EHBP1: variants seen among roughly 807,000 people sequenced by gnomAD.
EHBP1 encodes EH domain binding protein 1.
In EHBP1, 55 loss-of-function variants were observed where a neutral mutation model predicts 144.0. That is an observed-to-expected ratio of 0.38 (90% CI 0.31 to 0.48). EHBP1 has a LOEUF of 0.48. Among genes scored for constraint, EHBP1 ranks in the 20% least tolerant of loss-of-function variants. EHBP1 has a pLI of 0.98. For missense variants in EHBP1, 1,200 were observed against 1,364.2 expected, an observed-to-expected ratio of 0.88 and a Z score of 1.90; for synonymous variants, 469 against 472.7, an observed-to-expected ratio of 0.99 and a Z score of 0.10.
intron 1 of EHBP1, among the ~76,000 whole-genome samples, chr2:62,681,340 G>GTATGTATATATATATATA (rs2033511254): frequency 1.7e-5 from 1 of 58,554 alleles, no homozygotes; most frequent in Non-Finnish European, 3.0e-5. Flanking sequence ...ATGTGTGTGT[G>GTATGTATATATATATATA]TATATATATA....
rs368948717 is a variant in EHBP1 at position 62,830,153 on chromosome 2, GACACACACACAC to G, written c.495-834_495-823del. On this transcript the variant is annotated intron_variant, in intron 6 of 22. Transcript: ENST00000431489. ...TGGTGCATATATATATATATATATA[GACACACACACAC>G]ACACACACACACACACACACACACA... Among the ~76,000 whole-genome samples, 1,116 of 132,138 alleles carry G rather than the reference GACACACACACAC, an allele frequency of 8.4e-3. 7 individuals carry two copies. Among genetic ancestry groups the G allele is most frequent in the Middle Eastern group, 0.024 (6 of 246 alleles). The allele number at this position is 132,138 out of a possible 152,430, so 86.7% of individuals were successfully genotyped here.
chr2:62,674,353 A>G (rs1349384717), intron 1 of EHBP1, among the ~76,000 whole-genome samples: 1 of 152,220 alleles, frequency 6.6e-6, no homozygotes, highest in Non-Finnish European at 1.5e-5. Flanking sequence ...GCAATATTTG[A>G]AGAGCTCCCA....
intron 2 of EHBP1, among the ~76,000 whole-genome samples, chr2:62,725,180 C>G (rs79200027): frequency 1.3e-5 from 2 of 152,116 alleles, no homozygotes; most frequent in African/African-American, 4.8e-5. Flanking sequence ...TGGGGGCGCT[C>G]CAAGGTGCTG....
At chr2:63,012,593 T>C (rs1156635952) in intron 19 of EHBP1, among the ~76,000 whole-genome samples, 2 of 152,130 alleles carry the variant, frequency 1.3e-5, no homozygotes, top group Non-Finnish European at 2.9e-5. Context: ...AATCTCAAAA[T>C]GTGTGTGCCA....
At chr2:62,955,153 A>G (rs1269735760) in intron 13 of EHBP1, among the ~76,000 whole-genome samples, 3 of 152,122 alleles carry the variant, frequency 2.0e-5, no homozygotes, top group Non-Finnish European at 4.4e-5. Flanking sequence ...ATTCTATAAG[A>G]CTAAAAATAA....
intron 2 of EHBP1, among the ~76,000 whole-genome samples, chr2:62,736,618 A>G (rs551609222): frequency 1.3e-5 from 2 of 152,298 alleles, no homozygotes; most frequent in South Asian, 2.1e-4. Flanking sequence ...CAATAAACCT[A>G]TCAAGATCAT....
At chr2:62,820,297 A>G (rs1573522862) in intron 5 of EHBP1, among the ~76,000 whole-genome samples, 1 of 152,014 alleles carries the variant, frequency 6.6e-6, no homozygotes, top group African/African-American at 2.4e-5. Context: ...ATTTCCTTAT[A>G]TAAAAGTAAA....
chr2:63,045,293 C>G lies in EHBP1; in HGVS notation c.3392+113C>G, dbSNP rs969756639. ...AGGGCCGGGGCAGCCTCCCACTGGC[C>G]TGGTGCTCCCCATTCCCGCTGGGGA... On this transcript the variant is annotated intron_variant, in intron 22 of 22. Coordinates refer to ENST00000431489, the MANE Select transcript of EHBP1 (RefSeq NM_001142616.3). The surrounding 1 kb of genome is among the most constrained non-coding windows in gnomAD (Gnocchi z 5.7). 7 of 1,358,340 alleles carry G rather than the reference C, an allele frequency of 5.2e-6. No individual in the cohort carries two copies. Among genetic ancestry groups the G allele is most frequent in the Non-Finnish European group, 6.2e-6 (6 of 970,348 alleles). 84.1% of individuals were successfully genotyped at this position (1,358,340 alleles called of 1,614,324 possible). A position where few individuals can be genotyped will look rare whatever the true frequency, so the allele number is the denominator to read the frequency against.
intron 1 of EHBP1, among the ~76,000 whole-genome samples, chr2:62,700,245 A>T (rs1219778005): frequency 6.6e-6 from 1 of 152,246 alleles, no homozygotes; most frequent in Non-Finnish European, 1.5e-5. Context: ...ATTTAAGGTT[A>T]TATAACAGGC....
At chr2:62,741,885 A>T (rs972685704) in intron 2 of EHBP1, among the ~76,000 whole-genome samples, 1 of 152,186 alleles carries the variant, frequency 6.6e-6, no homozygotes, top group African/African-American at 2.4e-5. Flanking sequence ...AGTAATCTAG[A>T]GATGATTTAA....
Position 62,735,524 on chromosome 2 carries a change from G to T in EHBP1, c.105-11871G>T, listed in dbSNP as rs139578047. Among the ~76,000 whole-genome samples the T allele has an allele frequency of 4.3e-4, 66 of 151,972 alleles. 1 individual carries two copies. The highest frequency in any genetic ancestry group is 1.4e-3 in the African/African-American group (58 of 41,452). On this transcript the variant is annotated intron_variant, in intron 2 of 22. Coordinates refer to ENST00000431489, the MANE Select transcript of EHBP1 (RefSeq NM_001142616.3). ...AGGATATATAATCAAATACATTGTT[G>T]CTATTTATTATTTTAAATAAACTGT...
At position 62,942,808 on chromosome 2, in the gene EHBP1, C is replaced by G. The variant is rs1429568889; in HGVS notation, c.1276C>G (p.Arg426Gly). Residue 426 changes from arginine (R) to glycine (G), a missense_variant, in exon 11 of 23, where the codon CGA becomes GGA. This residue lies in a region of EHBP1 where 94 missense variants were observed against 143.0 expected (regional missense o/e 0.66). Transcript: ENST00000431489. ...GTGTAAAGAAGTTACAAAGAACTAC[C>G]GAGGAGTAAAAATCACCAATTTTAC... ...VWCKEVTKNY[R>G]GVKITNFTTS... 13 of 1,613,354 alleles carry G rather than the reference C, an allele frequency of 8.1e-6. No homozygotes were observed. The highest frequency in any genetic ancestry group is 1.1e-5 in the Non-Finnish European group (13 of 1,179,624).
chr2:62,679,108 T>A (rs2033417069), intron 1 of EHBP1, among the ~76,000 whole-genome samples: 1 of 152,188 alleles, frequency 6.6e-6, no homozygotes, highest in Non-Finnish European at 1.5e-5. Flanking sequence ...AGCCTATGCT[T>A]TGTATTTTAT....
intron 2 of EHBP1, among the ~76,000 whole-genome samples, chr2:62,709,915 A>G (rs2034979195): frequency 6.6e-6 from 1 of 152,130 alleles, no homozygotes; most frequent in Admixed American, 6.6e-5. Context: ...ACAGTATACC[A>G]GGGAGGGCCT....
intron 10 of EHBP1, among the ~76,000 whole-genome samples, chr2:62,942,104 A>G (rs1370668265): frequency 6.6e-6 from 1 of 152,172 alleles, no homozygotes; most frequent in East Asian, 1.9e-4. Context: ...AGCATATCCA[A>G]AATACATACT....
chr2:62,890,462 G>C (rs2052366004), intron 10 of EHBP1, among the ~76,000 whole-genome samples: 1 of 152,020 alleles, frequency 6.6e-6, no homozygotes, highest in African/African-American at 2.4e-5. Flanking sequence ...CACTTCCCTA[G>C]TTAGCTTATT....
At chr2:62,678,145 A>G (rs1238250346) in intron 1 of EHBP1, among the ~76,000 whole-genome samples, 1 of 152,122 alleles carries the variant, frequency 6.6e-6, no homozygotes, top group African/African-American at 2.4e-5. Flanking sequence ...AGCATTTGTT[A>G]TTGCCTGACT....
chr2:62,921,799 C>A (rs1439647894), intron 10 of EHBP1, among the ~76,000 whole-genome samples: 5 of 152,166 alleles, frequency 3.3e-5, no homozygotes, highest in Non-Finnish European at 4.4e-5. Flanking sequence ...AGACCCATAA[C>A]ATAAATAGTC....
chr2:62,988,305 G>C (rs1341299289), intron 15 of EHBP1, among the ~76,000 whole-genome samples: 1 of 152,048 alleles, frequency 6.6e-6, no homozygotes, highest in Non-Finnish European at 1.5e-5. Context: ...TGTTATGTGA[G>C]ATAATCTGTA....
Sources: allele counts gnomAD v4.1 joint callset (sites outside exome capture counted in the v4.1 genomes callset), GRCh38; gene constraint gnomAD v4.1.1; regional missense constraint gnomAD v4.1.1; non-coding constraint Gnocchi (gnomAD v3.1); transcripts MANE v1.5; gene names NCBI Gene and HGNC (gene_info 2026-07-23, HGNC 2026-07-21).